Variants in UBE2E2 observed in about 807,000 individuals in gnomAD.
The protein encoded by UBE2E2 is ubiquitin-conjugating enzyme E2 E2.
A neutral mutation model predicts 24.7 loss-of-function variants in UBE2E2; 6 were observed. The observed-to-expected ratio is 0.24, with a 90% CI of 0.13 to 0.48. UBE2E2 has a LOEUF of 0.48. Ranked by LOEUF, UBE2E2 falls within the 20% of genes least tolerant of loss-of-function variation. UBE2E2 has a pLI of 0.99. For synonymous variants in UBE2E2, 104 were observed against 83.6 expected, an observed-to-expected ratio of 1.24 and a Z score of -1.33; for missense variants, 169 against 245.0, an observed-to-expected ratio of 0.69 and a Z score of 2.07.
At chr3:23,533,700 G>A (rs1029311347) in intron 5 of UBE2E2, among the ~76,000 whole-genome samples, 11 of 128,330 alleles carry the variant, frequency 8.6e-5, no homozygotes, top group African/African-American at 2.8e-4. Context: ...CTTGGCTCCC[G>A]CAACCTCCGC....
At chr3:23,580,821 CAT>C (rs1314959854) in intron 5 of UBE2E2, among the ~76,000 whole-genome samples, 1 of 152,174 alleles carries the variant, frequency 6.6e-6, no homozygotes, top group Non-Finnish European at 1.5e-5. Flanking sequence ...AGCAAACAAA[CAT>C]AATCATAAAA....
chr3:23,584,726 GT>G (rs1158915900), intron 5 of UBE2E2, among the ~76,000 whole-genome samples: 24,225 of 112,036 alleles, frequency 0.22, 1,557 homozygotes, highest in African/African-American at 0.34. Context: ...GCTGTTTTTT[GT>G]TTTTTTTTTT....
chr3:23,574,777 T>C (rs886506447), intron 5 of UBE2E2, among the ~76,000 whole-genome samples: 1 of 152,196 alleles, frequency 6.6e-6, no homozygotes, highest in Non-Finnish European at 1.5e-5. Flanking sequence ...ATAAGACTTC[T>C]GCCATTACAT....
chr3:23,345,266 C>A (rs1695518904), intron 3 of UBE2E2, among the ~76,000 whole-genome samples: 1 of 152,114 alleles, frequency 6.6e-6, no homozygotes, highest in Non-Finnish European at 1.5e-5. Context: ...AGGTTCATAC[C>A]TCCTTGAAGA....
At chr3:23,228,144 T>C (rs913154837) in intron 3 of UBE2E2, among the ~76,000 whole-genome samples, 16 of 152,238 alleles carry the variant, frequency 1.1e-4, no homozygotes, top group African/African-American at 3.4e-4. Flanking sequence ...GTTATTGTTT[T>C]AAGTCTGCCT....
chr3:23,314,717 A>G (rs912173209), intron 3 of UBE2E2, among the ~76,000 whole-genome samples: 4 of 152,150 alleles, frequency 2.6e-5, no homozygotes, highest in African/African-American at 7.2e-5. Flanking sequence ...TTTTAACCAG[A>G]TATGCTTTTC....
chr3:23,409,897 C>T (rs909015092), intron 3 of UBE2E2, among the ~76,000 whole-genome samples: 1 of 152,154 alleles, frequency 6.6e-6, no homozygotes, highest in Non-Finnish European at 1.5e-5. Flanking sequence ...TTTCCCTGTG[C>T]TGTGTGTCTC....
intron 3 of UBE2E2, among the ~76,000 whole-genome samples, chr3:23,465,305 G>A (rs900346118): frequency 3.3e-5 from 5 of 152,108 alleles, no homozygotes; most frequent in African/African-American, 1.2e-4. Context: ...CCAAAGCCCA[G>A]GCAGCTCTCC....
At chr3:23,427,717 T>G (rs919172415) in intron 3 of UBE2E2, among the ~76,000 whole-genome samples, 5 of 152,310 alleles carry the variant, frequency 3.3e-5, no homozygotes, top group African/African-American at 1.2e-4. Context: ...GATAAGTTAC[T>G]GGGGAAAGAT....
intron 3 of UBE2E2, among the ~76,000 whole-genome samples, chr3:23,435,898 G>C (rs77612790): frequency 6.6e-6 from 1 of 152,094 alleles, no homozygotes; most frequent in African/African-American, 2.4e-5. Flanking sequence ...GTTATTCCAC[G>C]GCAGGGGCGG....
chr3:23,302,251 G>A (rs1025952895), intron 3 of UBE2E2, among the ~76,000 whole-genome samples: 1 of 152,082 alleles, frequency 6.6e-6, no homozygotes, highest in South Asian at 2.1e-4. Context: ...TTTCCTGCCT[G>A]CAAAGTATGT....
chr3:23,265,787 CTT>C (rs1698032258), intron 3 of UBE2E2, among the ~76,000 whole-genome samples: 1 of 152,180 alleles, frequency 6.6e-6, no homozygotes, highest in Admixed American at 6.5e-5. Flanking sequence ...GTCTAAGTCT[CTT>C]TGTAGGTCTC....
intron 3 of UBE2E2, chr3:23,389,733 T>G (rs928965206): frequency 5.1e-6 from 1 of 194,246 alleles, no homozygotes; most frequent in African/African-American, 2.3e-5. Context: ...TCAGATCCAC[T>G]AGAGGGGTTT....
chr3:23,208,600 T>C, intron 1 of UBE2E2, 92 bp from the exon 2 acceptor site: 1 of 997,856 alleles, frequency 1.0e-6, no homozygotes, highest in Non-Finnish European at 1.4e-6. Flanking sequence ...ATATTGAGAT[T>C]TACTTGTTTT....
At chr3:23,354,575 A>T in intron 3 of UBE2E2, among the ~76,000 whole-genome samples, 1 of 152,248 alleles carries the variant, frequency 6.6e-6, no homozygotes, top group Non-Finnish European at 1.5e-5. Context: ...GAAGGACATG[A>T]ACAGACACTT....
At chr3:23,424,920 T>C (rs912008502) in intron 3 of UBE2E2, among the ~76,000 whole-genome samples, 1 of 152,200 alleles carries the variant, frequency 6.6e-6, no homozygotes, top group Non-Finnish European at 1.5e-5. Flanking sequence ...TTATGGATAA[T>C]TAGAGTCAAA....
At chr3:23,465,499 C>G (rs553647119) in intron 3 of UBE2E2, among the ~76,000 whole-genome samples, 1 of 152,340 alleles carries the variant, frequency 6.6e-6, no homozygotes, top group African/African-American at 2.4e-5. Flanking sequence ...AGAGTACTGA[C>G]AGATTCATTA....
intron 5 of UBE2E2, among the ~76,000 whole-genome samples, chr3:23,574,605 C>G (rs1311057881): frequency 6.6e-6 from 1 of 152,110 alleles, no homozygotes; most frequent in African/African-American, 2.4e-5. Flanking sequence ...GCCCCAGCTA[C>G]TTAGAAGCCT....
intron 3 of UBE2E2, among the ~76,000 whole-genome samples, chr3:23,482,914 T>C (rs143530603): frequency 2.2e-4 from 33 of 152,332 alleles, no homozygotes; most frequent in African/African-American, 7.9e-4. Context: ...GCCAAATAAC[T>C]AACTGAATGT....
Sources: gnomAD v4.1 joint callset for allele counts (sites outside exome capture counted in the v4.1 genomes callset) on GRCh38, gnomAD v4.1.1 for gene constraint, MANE v1.5 for transcripts, NCBI Gene and HGNC (gene_info 2026-07-23, HGNC 2026-07-21) for gene names.